Variants in PRKACG observed in about 807,000 individuals in gnomAD.
PRKACG encodes the protein protein kinase cAMP-activated catalytic subunit gamma.
PRKACG carries 24 observed loss-of-function variants against 25.6 expected under a neutral mutation model. That is an observed-to-expected ratio of 0.94 (90% CI 0.68 to 1.32). PRKACG has a LOEUF of 1.32. PRKACG is among the 40% of genes most tolerant of loss of function. PRKACG has a pLI of 0.00. For synonymous variants in PRKACG, 202 were observed against 195.9 expected (o/e 1.03, Z -0.26); for missense variants, 481 against 462.9 (o/e 1.04, Z -0.36).
chr9:69,013,220 G>A lies in PRKACG; in HGVS notation c.873C>T (p.Asp291=). ...TGGCGAACCACTTGTGGTTCTTGATGTCGCCAACCCCGTTCCTGAGGTTTC... is the reference window on the plus strand; with the variant it reads ...TGGCGAACCACTTGTGGTTCTTGATATCGCCAACCCCGTTCCTGAGGTTTC... ...RFGNLRNGVG[D]IKNHKWFATT... is the part of the protein sequence containing the mutation. The change falls in exon 1 of 1, where the codon GAC becomes GAT. Residue 291 remains aspartate, a synonymous_variant. Coordinates refer to ENST00000377276, the MANE Select transcript of PRKACG (RefSeq NM_002732.4). 1.9e-6 allele frequency: 3 copies of A among 1,614,146 alleles called. No homozygotes were observed. The highest frequency in any genetic ancestry group is 2.5e-6 in the Non-Finnish European group (3 of 1,180,036).
In PRKACG at chr9:69,013,325, C is replaced by T; in HGVS notation, c.768G>A (p.Val256=). 1 of 1,614,130 alleles carries T rather than the reference C, an allele frequency of 6.2e-7. No individual in the cohort carries two copies. Among genetic ancestry groups the T allele is most frequent in the Non-Finnish European group, 8.5e-7 (1 of 1,180,016 alleles). The part of the protein sequence containing the change: ...QIYEKIVSGR[V]RFPSKLSSDL... ...CAGAGCTGAGTTTGGAGGGAAACCG[C>T]ACCCTCCCAGAGACGATCTTCTCGT... The change falls in exon 1 of 1, where the codon GTG becomes GTA. Residue 256 remains valine, a synonymous_variant. Coordinates refer to ENST00000377276, the MANE Select transcript of PRKACG (RefSeq NM_002732.4).
chr9:69,012,973 C>T lies in PRKACG; in HGVS notation c.*64G>A, dbSNP rs1277220985. ...GGCCCTCTGGCTGTTCAATCCAACC[C>T]TCCCATCCCCCAAACCACCAAAAAC... On this transcript the variant is annotated 3_prime_UTR_variant, in exon 1 of 1. Coordinates refer to ENST00000377276, the MANE Select transcript of PRKACG (RefSeq NM_002732.4). The T allele has an allele frequency of 2.6e-6, 4 of 1,516,774 alleles. No homozygotes were observed. Among genetic ancestry groups the T allele is most frequent in the Non-Finnish European group, 3.6e-6 (4 of 1,125,626 alleles). 94.0% of individuals were successfully genotyped at this position (1,516,774 alleles called of 1,614,324 possible).
rs1231522722 is a variant in PRKACG, at chr9:69,013,197, G to A, written c.896C>T (p.Ala299Val). ...ATAGATGGCGATCCAGCTGGTTGTG[G>A]CGAACCACTTGTGGTTCTTGATGTC... ...VGDIKNHKWF[A>V]TTSWIAIYEK... Residue 299 changes from alanine (A) to valine (V), a missense_variant, in exon 1 of 1, where the codon GCC becomes GTC. Coordinates refer to ENST00000377276, the MANE Select transcript of PRKACG (RefSeq NM_002732.4). The A allele has an allele frequency of 6.2e-7, 1 of 1,614,032 alleles. No individual in the cohort carries two copies. The highest frequency in any genetic ancestry group is 2.2e-5 in the East Asian group (1 of 44,880).
Position 69,012,837 on chromosome 9 carries a change from G to T in PRKACG, c.*200C>A, listed in dbSNP as rs1564318995. On this transcript the variant is annotated 3_prime_UTR_variant, in exon 1 of 1. Transcript: ENST00000377276. ...AGCACAGAGGGACCAGGAAGGCATG[G>T]GGGGGGGTGAGGGAGCAGCTGGTGT... The T allele has an allele frequency of 1.0e-5, 6 of 580,238 alleles. No individual in the cohort carries two copies. Among genetic ancestry groups the T allele is most frequent in the South Asian group, 6.5e-5 (3 of 46,028 alleles). The allele number at this position is 580,238 out of a possible 1,614,324, so 35.9% of individuals were successfully genotyped here. A position where few individuals can be genotyped will look rare whatever the true frequency, so the allele number is the denominator to read the frequency against.
chr9:69,013,500 G>T lies in PRKACG; in HGVS notation c.593C>A (p.Thr198Asn). ...FAKRVKGRTWTLCGTPEYLAP... is the reference protein window; with the variant it reads ...FAKRVKGRTWNLCGTPEYLAP... ...CAGGTACTCTGGGGTCCCGCACAAG[G>T]TCCAAGTGCGGCCCTTCACGCGCTT... Residue 198 changes from threonine to asparagine, a missense_variant, in exon 1 of 1, where the codon ACC (threonine) becomes AAC (asparagine). Coordinates refer to ENST00000377276, the MANE Select transcript of PRKACG (RefSeq NM_002732.4). 6.2e-7 allele frequency: 1 copy of T among 1,614,072 alleles called. No homozygotes were observed. The highest frequency in any genetic ancestry group is 8.5e-7 in the Non-Finnish European group (1 of 1,180,020).
rs758024440 is a variant in PRKACG at position 69,014,040 on chromosome 9, T to G, written c.53A>C (p.Glu18Ala). 1.1e-5 allele frequency: 18 copies of G among 1,612,794 alleles called. No individual in the cohort carries two copies. Among genetic ancestry groups the G allele is most frequent in the Non-Finnish European group, 1.5e-5 (18 of 1,179,916 alleles). Residue 18 changes from glutamate (E) to alanine (A), a missense_variant, in exon 1 of 1, where the codon GAG (glutamate) becomes GCG (alanine). Glu to Ala is a moderately radical substitution (Grantham distance 107). Coordinates refer to ENST00000377276, the MANE Select transcript of PRKACG (RefSeq NM_002732.4). ...KDTEQEESVNEFLAKARGDFL... is the reference protein window; with the variant it reads ...KDTEQEESVNAFLAKARGDFL... ...ATCTCCTCTGGCTTTGGCTAGGAACTCGTTCACGCTCTCCTCCTGCTCGGT... is the reference window on the plus strand; with the variant it reads ...ATCTCCTCTGGCTTTGGCTAGGAACGCGTTCACGCTCTCCTCCTGCTCGGT...
Position 69,013,642 on chromosome 9 carries a change from C to G in PRKACG, c.451G>C (p.Val151Leu), listed in dbSNP as rs762869213. 1.2e-6 allele frequency: 2 copies of G among 1,613,922 alleles called. No individual in the cohort carries two copies. Among genetic ancestry groups the G allele is most frequent in the East Asian group, 4.5e-5 (2 of 44,846 alleles). Reference sequence around the variant, plus strand: ...TGTAGGTACTGGACGGCCAGGACGACCTGGGCGGCATAGAAACAGGCATGG... The same window carrying G: ...TGTAGGTACTGGACGGCCAGGACGAGCTGGGCGGCATAGAAACAGGCATGG... ...EPHACFYAAQ[V>L]VLAVQYLHSL... Residue 151 changes from valine (V) to leucine (L), a missense_variant, in exon 1 of 1, where the codon GTC (valine) becomes CTC (leucine). Val to Leu is a conservative substitution (Grantham distance 32). Coordinates refer to ENST00000377276, the MANE Select transcript of PRKACG (RefSeq NM_002732.4).
Position 69,013,626 on chromosome 9 carries a change from TGGACGGCCA to T in PRKACG, c.458_466del (p.Leu153_Val155del). ...GATGAGGTCGAGCGAGTGTAGGTAC[TGGACGGCCA>T]GGACGACCTGGGCGGCATAGAAACA... On this transcript the variant is annotated inframe_deletion, in exon 1 of 1. Transcript: ENST00000377276. 1 of 1,613,646 alleles carries T rather than the reference TGGACGGCCA, an allele frequency of 6.2e-7. No individual in the cohort carries two copies. Among genetic ancestry groups the T allele is most frequent in the Non-Finnish European group, 8.5e-7 (1 of 1,179,814 alleles).
Position 69,012,841 on chromosome 9 carries a change from G to A in PRKACG, c.*196C>T, listed in dbSNP as rs3812539. 63 of 593,044 alleles carry A rather than the reference G, an allele frequency of 1.1e-4. No homozygotes were observed. The highest frequency in any genetic ancestry group is 1.3e-4 in the Non-Finnish European group (43 of 338,470). The allele number at this position is 593,044 out of a possible 1,614,324, so 36.7% of individuals were successfully genotyped here. The stretch of plus-strand genomic sequence containing the variant: ...CAGAGGGACCAGGAAGGCATGGGGG[G>A]GGGTGAGGGAGCAGCTGGTGTTTCT... On this transcript the variant is annotated 3_prime_UTR_variant, in exon 1 of 1. Transcript: ENST00000377276.
chr9:69,013,904 G>A lies in PRKACG; in HGVS notation c.189C>T (p.His63=), dbSNP rs1330137574. The A allele has an allele frequency of 3.1e-6, 5 of 1,613,830 alleles. No homozygotes were observed. In the South Asian group the frequency reaches 5.5e-5, roughly 18 times the overall value. The part of the protein sequence containing the change: ...GSFGRVMLVR[H]QETGGHYAMK... ...TGGCGTAGTGGCCGCCGGTCTCCTG[G>A]TGCCTCACCAGCATCACCCGCCCGA... Residue 63 remains histidine (H), a synonymous_variant, in exon 1 of 1, where the codon CAC becomes CAT. Coordinates refer to ENST00000377276, the MANE Select transcript of PRKACG (RefSeq NM_002732.4).
chr9:69,014,102 G>A lies in PRKACG; in HGVS notation c.-10C>T, dbSNP rs1329198202. ...CGGGGGCGTTGCCCATGGCGGTGGCGGCGGCAGGGGCGGGGGTCTCGCGGC... is the reference window on the plus strand; with the variant it reads ...CGGGGGCGTTGCCCATGGCGGTGGCAGCGGCAGGGGCGGGGGTCTCGCGGC... On this transcript the variant is annotated 5_prime_UTR_variant, in exon 1 of 1. Coordinates refer to ENST00000377276, the MANE Select transcript of PRKACG (RefSeq NM_002732.4). The A allele has an allele frequency of 1.3e-6, 2 of 1,520,820 alleles. No individual in the cohort carries two copies. The highest frequency in any genetic ancestry group is 1.4e-5 in the African/African-American group (1 of 72,380). The allele number at this position is 1,520,820 out of a possible 1,614,324, so 94.2% of individuals were successfully genotyped here.
At position 69,013,765 on chromosome 9, in the gene PRKACG, A is replaced by G; in HGVS notation, c.328T>C (p.Ser110Pro). 2 of 1,613,950 alleles carry G rather than the reference A, an allele frequency of 1.2e-6. No individual in the cohort carries two copies. The highest frequency in any genetic ancestry group is 1.7e-6 in the Non-Finnish European group (2 of 1,179,998). Residue 110 changes from serine (S) to proline (P), a missense_variant, in exon 1 of 1, where the codon TCC (serine) becomes CCC (proline). By Grantham distance (74) the Ser-to-Pro change is moderately conservative. Coordinates refer to ENST00000377276, the MANE Select transcript of PRKACG (RefSeq NM_002732.4). Reference sequence around the variant, plus strand: ...TACAGGTAGGAGTTGTCCTTAAAGGAGAACTGGAGCTTGACGAGGAACGGA... The same window carrying G: ...TACAGGTAGGAGTTGTCCTTAAAGGGGAACTGGAGCTTGACGAGGAACGGA... ...DFPFLVKLQF[S>P]FKDNSYLYLV...
In PRKACG at chr9:69,013,055, C is replaced by T. The variant is rs1378027350; in HGVS notation, c.1038G>A (p.Lys346=). Residue 346 remains lysine, a synonymous_variant, in exon 1 of 1, where the codon AAG becomes AAA. Coordinates refer to ENST00000377276, the MANE Select transcript of PRKACG (RefSeq NM_002732.4). ...LRISINEKCA[K]EFSEF ...CACACCCCTAAAACTCAGAAAACTC[C>T]TTGGCACACTTCTCATTGATGGAGA... The T allele has an allele frequency of 1.9e-6, 3 of 1,613,946 alleles. No individual in the cohort carries two copies. The highest frequency in any genetic ancestry group is 2.5e-6 in the Non-Finnish European group (3 of 1,180,012).
Position 69,012,851 on chromosome 9 carries a change from A to C in PRKACG, c.*186T>G. On this transcript the variant is annotated 3_prime_UTR_variant, in exon 1 of 1. Transcript: ENST00000377276. ...AGGAAGGCATGGGGGGGGGTGAGGGAGCAGCTGGTGTTTCTGTTCCTCCAA... is the reference window on the plus strand; with the variant it reads ...AGGAAGGCATGGGGGGGGGTGAGGGCGCAGCTGGTGTTTCTGTTCCTCCAA... 1.7e-6 allele frequency: 1 copy of C among 596,876 alleles called. No individual in the cohort carries two copies. Among genetic ancestry groups the C allele is most frequent in the Non-Finnish European group, 2.9e-6 (1 of 341,868 alleles). The allele number at this position is 596,876 out of a possible 1,614,324, so 37.0% of individuals were successfully genotyped here.
chr9:69,013,743 A>G lies in PRKACG; in HGVS notation c.350T>C (p.Leu117Pro), dbSNP rs1831302060. ...CGGCACGTACTCCATCACCAGGTAC[A>G]GGTAGGAGTTGTCCTTAAAGGAGAA... ...LQFSFKDNSY[L>P]YLVMEYVPGG... Residue 117 changes from leucine to proline, a missense_variant, in exon 1 of 1, where the codon CTG becomes CCG. By Grantham distance (98) the Leu-to-Pro change is moderately conservative. Transcript: ENST00000377276. 1.2e-6 allele frequency: 2 copies of G among 1,614,098 alleles called. No homozygotes were observed. The highest frequency in any genetic ancestry group is 8.5e-7 in the Non-Finnish European group (1 of 1,180,022).
rs866122115 is a variant in PRKACG, at chr9:69,013,323, C to T, written c.770G>A (p.Arg257Gln). ...GTCAGAGCTGAGTTTGGAGGGAAAC[C>T]GCACCCTCCCAGAGACGATCTTCTC... ...IYEKIVSGRV[R>Q]FPSKLSSDLK... The change falls in exon 1 of 1, where the codon CGG becomes CAG. Residue 257 changes from arginine (R) to glutamine (Q), a missense_variant. Physicochemically the swap from Arg to Gln is conservative, Grantham distance 43. Coordinates refer to ENST00000377276, the MANE Select transcript of PRKACG (RefSeq NM_002732.4). 46 of 1,613,970 alleles carry T rather than the reference C, an allele frequency of 2.9e-5. No homozygotes were observed. The highest frequency in any genetic ancestry group is 6.7e-5 in the African/African-American group (5 of 74,904).
Position 69,012,974 on chromosome 9 carries a change from T to A in PRKACG, c.*63A>T. 6 of 1,518,106 alleles carry A rather than the reference T, an allele frequency of 4.0e-6. No individual in the cohort carries two copies. Among genetic ancestry groups the A allele is most frequent in the Non-Finnish European group, 5.3e-6 (6 of 1,126,344 alleles). The allele number at this position is 1,518,106 out of a possible 1,614,324, so 94.0% of individuals were successfully genotyped here. On this transcript the variant is annotated 3_prime_UTR_variant, in exon 1 of 1. Transcript: ENST00000377276. ...GCCCTCTGGCTGTTCAATCCAACCC[T>A]CCCATCCCCCAAACCACCAAAAACA...
chr9:69,012,939 G>A lies in PRKACG; in HGVS notation c.*98C>T, dbSNP rs934317099. ...GGGTGAGGATGAAATTAGATACAAG[G>A]AACTCTGGGGCCCTCTGGCTGTTCA... On this transcript the variant is annotated 3_prime_UTR_variant, in exon 1 of 1. Coordinates refer to ENST00000377276, the MANE Select transcript of PRKACG (RefSeq NM_002732.4). 4 of 1,227,346 alleles carry A rather than the reference G, an allele frequency of 3.3e-6. No individual in the cohort carries two copies. In the African/African-American group the frequency reaches 4.5e-5, roughly 14 times the overall value. The allele number at this position is 1,227,346 out of a possible 1,614,324, so 76.0% of individuals were successfully genotyped here.
At position 69,014,032 on chromosome 9, in the gene PRKACG, C is replaced by T. The variant is rs764386129; in HGVS notation, c.61G>A (p.Ala21Thr). ...EQEESVNEFL[A>T]KARGDFLYRW... is the part of the protein sequence containing the mutation. ...TAGAGGAAATCTCCTCTGGCTTTGGCTAGGAACTCGTTCACGCTCTCCTCC... is the reference window on the plus strand; with the variant it reads ...TAGAGGAAATCTCCTCTGGCTTTGGTTAGGAACTCGTTCACGCTCTCCTCC... Residue 21 changes from alanine to threonine, a missense_variant, in exon 1 of 1, where the codon GCC (alanine) becomes ACC (threonine). Transcript: ENST00000377276. 1 of 1,613,160 alleles carries T rather than the reference C, an allele frequency of 6.2e-7. No individual in the cohort carries two copies. Among genetic ancestry groups the T allele is most frequent in the Non-Finnish European group, 8.5e-7 (1 of 1,179,950 alleles).
Sources: allele counts gnomAD v4.1 joint callset, GRCh38; gene constraint gnomAD v4.1.1; transcripts MANE v1.5; gene names NCBI Gene and HGNC (gene_info 2026-07-23, HGNC 2026-07-21).